NSRP1: variants seen among roughly 807,000 people sequenced by gnomAD.
The protein encoded by NSRP1 is nuclear speckle splicing regulatory protein 1, also known as coiled-coil domain containing 55.
In NSRP1, 24 loss-of-function variants were observed where a neutral mutation model predicts 54.7. That is an observed-to-expected ratio of 0.44 (90% CI 0.32 to 0.62). The LOEUF is 0.62. Ranked by LOEUF, NSRP1 falls within the 20% of genes least tolerant of loss-of-function variation. NSRP1 has a pLI of 0.06. For missense variants in NSRP1, 596 were observed against 651.2 expected, an observed-to-expected ratio of 0.92 and a Z score of 0.92; for synonymous variants, 210 against 213.8, an observed-to-expected ratio of 0.98 and a Z score of 0.15.
At chr17:30,147,132 C>CTTTT (rs112865148) in intron 2 of NSRP1, among the ~76,000 whole-genome samples, 8 of 140,412 alleles carry the variant, frequency 5.7e-5, no homozygotes, top group South Asian at 2.2e-4. Context: ...CTTTTCTTTT[C>CTTTT]TTTTTTTTTT....
chr17:30,184,291 T>C (rs762215612), intron 6 of NSRP1, among the ~76,000 whole-genome samples: 1 of 152,230 alleles, frequency 6.6e-6, no homozygotes, highest in African/African-American at 2.4e-5. Flanking sequence ...TTTATTACTT[T>C]TCCCAATTAT....
chr17:30,169,123 A>G (rs1904838451), intron 2 of NSRP1, among the ~76,000 whole-genome samples: 2 of 152,124 alleles, frequency 1.3e-5, no homozygotes, highest in African/African-American at 4.8e-5. Context: ...GTGTCTCAAA[A>G]TAGATATAGT....
chr17:30,184,966 G>GC lies in NSRP1; in HGVS notation c.970dup (p.Gln324ProfsTer11), dbSNP rs1905462835. 6.2e-7 allele frequency: 1 copy of GC among 1,614,042 alleles called. No individual in the cohort carries two copies. Among genetic ancestry groups the GC allele is most frequent in the African/African-American group, 1.3e-5 (1 of 74,980 alleles). ...AAAGGGAAGATCAGCACCAGCAGAA[G>GC]CAATCCAGAGACCAAGAGAACCATT... On this transcript the variant is annotated frameshift_variant, in exon 7 of 7. Coordinates refer to ENST00000247026, the MANE Select transcript of NSRP1 (RefSeq NM_032141.4). LOFTEE classifies it high-confidence loss of function.
At chr17:30,118,685 A>T (rs2071567142) in intron 2 of NSRP1, among the ~76,000 whole-genome samples, 1 of 152,066 alleles carries the variant, frequency 6.6e-6, no homozygotes, top group Admixed American at 6.6e-5. Flanking sequence ...AGCAGCCAAA[A>T]CTACTTCTGT....
chr17:30,121,169 A>C (rs1429390611), intron 2 of NSRP1, among the ~76,000 whole-genome samples: 1 of 152,204 alleles, frequency 6.6e-6, no homozygotes, highest in Non-Finnish European at 1.5e-5. Context: ...TTTTCGTATA[A>C]AATTTCAACT....
chr17:30,168,212 C>G (rs1358989607), intron 2 of NSRP1: 2 of 152,142 alleles, frequency 1.3e-5, no homozygotes, highest in Non-Finnish European at 2.9e-5. Context: ...TAAATTCTCT[C>G]AGGTAATCTG....
At chr17:30,161,070 G>C (rs373803282) in intron 2 of NSRP1, among the ~76,000 whole-genome samples, 3 of 152,150 alleles carry the variant, frequency 2.0e-5, no homozygotes, top group South Asian at 2.1e-4. Flanking sequence ...AGAAAGAACA[G>C]ACTTGATACA....
intron 2 of NSRP1, chr17:30,150,353 A>C (rs2071894823): frequency 6.6e-6 from 1 of 151,530 alleles, no homozygotes; most frequent in Non-Finnish European, 1.5e-5. Flanking sequence ...TGCTGGGATT[A>C]CAGGTGTGAG....
chr17:30,176,004 C>T (rs924130525), intron 3 of NSRP1, among the ~76,000 whole-genome samples: 1 of 151,122 alleles, frequency 6.6e-6, no homozygotes, highest in Non-Finnish European at 1.5e-5. Context: ...CTCCGAACCC[C>T]CCCCCCAAAA....
intron 2 of NSRP1, among the ~76,000 whole-genome samples, chr17:30,172,014 T>TCTCTCTCTCTCTCACACA (rs144705088): frequency 3.8e-5 from 5 of 131,172 alleles, no homozygotes; most frequent in South Asian, 2.6e-4. Context: ...TCTCTCTCTC[T>TCTCTCTCTCTCTCACACA]CACATGTTCA....
At chr17:30,117,395 A>G (rs1179355165) in intron 1 of NSRP1, 2 of 464,906 alleles carry the variant, frequency 4.3e-6, no homozygotes, top group Non-Finnish European at 7.6e-6. Context: ...TACGTACTTG[A>G]AAGTTTTACC....
chr17:30,177,720 A>G (rs1905174874), intron 3 of NSRP1, among the ~76,000 whole-genome samples: 1 of 152,186 alleles, frequency 6.6e-6, no homozygotes, highest in Non-Finnish European at 1.5e-5. Flanking sequence ...AATGATAATA[A>G]TAGTTGATGT....
chr17:30,134,134 G>C (rs1344162003), intron 2 of NSRP1, among the ~76,000 whole-genome samples: 1 of 152,214 alleles, frequency 6.6e-6, no homozygotes, highest in East Asian at 1.9e-4. Flanking sequence ...AAGGCCTGAG[G>C]AGAGGGAGAG....
intron 2 of NSRP1, among the ~76,000 whole-genome samples, chr17:30,120,260 A>T (rs566412492): frequency 6.6e-6 from 1 of 152,304 alleles, no homozygotes; most frequent in South Asian, 2.1e-4. Context: ...ACAGTGACTT[A>T]AGTTTTTCTT....
At chr17:30,127,831 T>C (rs1285521100) in intron 2 of NSRP1, 12 of 394,044 alleles carry the variant, frequency 3.0e-5, no homozygotes, top group Non-Finnish European at 5.4e-5. Context: ...TTACATTACT[T>C]ATTATTTTTT....
At chr17:30,166,139 A>G (rs1004799408) in intron 2 of NSRP1, among the ~76,000 whole-genome samples, 1 of 152,204 alleles carries the variant, frequency 6.6e-6, no homozygotes, top group African/African-American at 2.4e-5. Context: ...ACTAATATAT[A>G]GAGGAGGAAA....
chr17:30,124,885 T>G (rs976178694), intron 2 of NSRP1, among the ~76,000 whole-genome samples: 9 of 152,310 alleles, frequency 5.9e-5, no homozygotes, highest in African/African-American at 2.2e-4. Flanking sequence ...AGAAGTAAAT[T>G]TATTGAGTAT....
At chr17:30,171,151 T>C (rs1904917558) in intron 2 of NSRP1, among the ~76,000 whole-genome samples, 1 of 152,162 alleles carries the variant, frequency 6.6e-6, no homozygotes, top group Non-Finnish European at 1.5e-5. Context: ...TTTACATTTT[T>C]ATTCTCTTTG....
At chr17:30,153,088 T>C (rs1478165345) in intron 2 of NSRP1, among the ~76,000 whole-genome samples, 1 of 151,990 alleles carries the variant, frequency 6.6e-6, no homozygotes, top group Non-Finnish European at 1.5e-5. Context: ...CTAATTTTTG[T>C]ATTTTTTTAG....
Sources: allele counts gnomAD v4.1 joint callset (sites outside exome capture counted in the v4.1 genomes callset), GRCh38; gene constraint gnomAD v4.1.1; transcripts MANE v1.5; gene names NCBI Gene and HGNC (gene_info 2026-07-23, HGNC 2026-07-21).